Variants in BCAS4 observed in about 807,000 individuals in gnomAD.
BCAS4 encodes breast carcinoma-amplified sequence 4.
BCAS4 carries 9 observed loss-of-function variants against 15.7 expected under a neutral mutation model. The ratio of observed to expected loss-of-function variants is 0.57; its 90% CI spans 0.34 to 1.00. The LOEUF is 1.00. Among genes scored for constraint, BCAS4 ranks in the 50% least tolerant of loss-of-function variants. BCAS4 has a pLI of 0.02. For missense variants in BCAS4, 225 were observed against 239.1 expected (o/e 0.94, Z 0.39); for synonymous variants, 101 against 99.5 (o/e 1.02, Z -0.09).
At chr20:50,876,096 G>GC in intron 4 of BCAS4, 1 of 448,816 alleles carries the variant, frequency 2.2e-6, no homozygotes, top group Middle Eastern at 5.2e-4. Flanking sequence ...GATTACAGGT[G>GC]CGCGCTACCA....
chr20:50,818,455 G>GCT lies in BCAS4; in HGVS notation c.162+185_162+186dup, dbSNP rs1330149039. ...ACACTCCCTCCTCTCTCTCTCTCTC[G>GCT]CTCTCTCTCTCTCACTCAACCCCAA... is the stretch of plus-strand genomic sequence containing the variant. On this transcript the variant is annotated intron_variant, in intron 2 of 4. Transcript: ENST00000371608. 8.7e-5 allele frequency among the ~76,000 whole-genome samples: 13 copies of GCT among 149,052 alleles called. No individual in the cohort carries two copies. In the East Asian group the frequency reaches 2.2e-3, roughly 25 times the overall value.
chr20:50,800,008 A>G (rs1035690701), intron 1 of BCAS4, among the ~76,000 whole-genome samples: 1 of 152,180 alleles, frequency 6.6e-6, no homozygotes, highest in Non-Finnish European at 1.5e-5. Flanking sequence ...AGATCGCATC[A>G]CTGCACTCCA....
intron 4 of BCAS4, among the ~76,000 whole-genome samples, chr20:50,857,047 C>T (rs982131272): frequency 1.3e-5 from 2 of 152,224 alleles, no homozygotes; most frequent in Non-Finnish European, 2.9e-5. Flanking sequence ...TTGTGCTGTT[C>T]ACAAGCTAAT....
chr20:50,860,697 G>A (rs1366275126), intron 4 of BCAS4, among the ~76,000 whole-genome samples: 3 of 152,020 alleles, frequency 2.0e-5, no homozygotes, highest in Non-Finnish European at 2.9e-5. Context: ...CCAACATGGC[G>A]AAACCCCGTC....
At chr20:50,824,239 C>T (rs1033320943) in intron 2 of BCAS4, among the ~76,000 whole-genome samples, 26 of 152,262 alleles carry the variant, frequency 1.7e-4, no homozygotes, top group African/African-American at 6.0e-4. Context: ...AGTCTTACTT[C>T]GCTCACATAA....
chr20:50,796,592 T>A (rs1346711189), intron 1 of BCAS4, among the ~76,000 whole-genome samples: 1 of 133,724 alleles, frequency 7.5e-6, no homozygotes, highest in East Asian at 2.6e-4. Context: ...CCTCCCAGGT[T>A]CAAGGAATTC....
chr20:50,882,442 C>T, the BCAS4 span: 3 of 152,232 alleles, frequency 2.0e-5, no homozygotes, highest in East Asian at 3.9e-4. Flanking sequence ...GTGGAAACAT[C>T]GCCAAGATAT....
At chr20:50,804,358 G>A (rs1242134108) in intron 1 of BCAS4, among the ~76,000 whole-genome samples, 1 of 152,128 alleles carries the variant, frequency 6.6e-6, no homozygotes, top group Non-Finnish European at 1.5e-5. Context: ...TTTCACTCAT[G>A]TTTTGGAGAC....
At chr20:50,872,014 C>T (rs892401794) in intron 4 of BCAS4, among the ~76,000 whole-genome samples, 2 of 152,062 alleles carry the variant, frequency 1.3e-5, no homozygotes, top group Non-Finnish European at 2.9e-5. Context: ...AATCCCAACA[C>T]TTTGGGAGGC....
intron 4 of BCAS4, among the ~76,000 whole-genome samples, chr20:50,857,060 T>C (rs919511060): frequency 2.0e-5 from 3 of 152,266 alleles, no homozygotes; most frequent in African/African-American, 7.2e-5. Context: ...AAGCTAATGA[T>C]GGCATTTTAG....
intron 4 of BCAS4, among the ~76,000 whole-genome samples, chr20:50,862,004 C>A (rs1007305182): frequency 2.0e-5 from 3 of 151,890 alleles, no homozygotes; most frequent in Non-Finnish European, 4.4e-5. Flanking sequence ...CAGGCACATG[C>A]CACCATGCTT....
At position 50,795,078 on chromosome 20, in the gene BCAS4, CT is replaced by C; in HGVS notation, c.-5del. The C allele has an allele frequency of 6.7e-7, 1 of 1,497,144 alleles. No homozygotes were observed. The highest frequency in any genetic ancestry group is 8.9e-7 in the Non-Finnish European group (1 of 1,124,012). 92.7% of individuals were successfully genotyped at this position (1,497,144 alleles called of 1,614,324 possible). A position where few individuals can be genotyped will look rare whatever the true frequency, so the allele number is the denominator to read the frequency against. The stretch of plus-strand genomic sequence containing the variant: ...CCTCCGCCAGCCGGACCCCGTCGCC[CT>C]CCTGATGCTGCTCGTGGACGCTGAT... On this transcript the variant is annotated 5_prime_UTR_variant, in exon 1 of 5. Coordinates refer to ENST00000371608, the MANE Select transcript of BCAS4 (RefSeq NM_198799.4).
intron 3 of BCAS4, among the ~76,000 whole-genome samples, chr20:50,830,651 A>G (rs1013184814): frequency 4.6e-5 from 7 of 152,134 alleles, no homozygotes; most frequent in African/African-American, 1.7e-4. Flanking sequence ...GGAGTTTGAG[A>G]CCAGCCTGGG....
chr20:50,820,567 C>T (rs894785156), intron 2 of BCAS4, among the ~76,000 whole-genome samples: 1 of 152,132 alleles, frequency 6.6e-6, no homozygotes, highest in African/African-American at 2.4e-5. Flanking sequence ...TGGATGGATG[C>T]TCCAGGGACA....
chr20:50,860,837 G>A (rs1020939281), intron 4 of BCAS4, among the ~76,000 whole-genome samples: 2 of 152,050 alleles, frequency 1.3e-5, no homozygotes, highest in African/African-American at 2.4e-5. Flanking sequence ...TCATGCCACT[G>A]TCCTTGAGCC....
At chr20:50,835,403 C>T (rs1023859786) in intron 3 of BCAS4, among the ~76,000 whole-genome samples, 2 of 152,004 alleles carry the variant, frequency 1.3e-5, no homozygotes, top group African/African-American at 4.8e-5. Flanking sequence ...TGCCACCACA[C>T]CCGGCTAATT....
chr20:50,869,742 CTTTTTTTTTT>C (rs55685532), intron 4 of BCAS4, among the ~76,000 whole-genome samples: 5 of 77,654 alleles, frequency 6.4e-5, no homozygotes, highest in Admixed American at 1.5e-4. Context: ...CCTGGCACTG[CTTTTTTTTTT>C]TTTTTTTTTT....
chr20:50,827,162 T>C (rs2088287387), intron 2 of BCAS4, among the ~76,000 whole-genome samples: 1 of 152,244 alleles, frequency 6.6e-6, no homozygotes, highest in African/African-American at 2.4e-5. Context: ...GGCACGAGGT[T>C]GTCACATCTC....
At position 50,795,167 on chromosome 20, in the gene BCAS4, G is replaced by A; in HGVS notation, c.84G>A (p.Gly28=). 6.9e-7 allele frequency: 1 copy of A among 1,451,444 alleles called. No individual in the cohort carries two copies. Among genetic ancestry groups the A allele is most frequent in the Non-Finnish European group, 9.1e-7 (1 of 1,096,794 alleles). 89.9% of individuals were successfully genotyped at this position (1,451,444 alleles called of 1,614,324 possible). The change falls in exon 1 of 5, where the codon GGG becomes GGA. Residue 28 remains glycine, a synonymous_variant. Transcript: ENST00000371608. The part of the protein sequence containing the change: ...ELALFLTPEP[G]AEAKEVEETI... ...CGCTCTTCCTGACCCCCGAGCCTGG[G>A]GCCGAGGTAGGGGACGGGGCTGTGG...
Sources: allele counts gnomAD v4.1 joint callset (sites outside exome capture counted in the v4.1 genomes callset), GRCh38; gene constraint gnomAD v4.1.1; transcripts MANE v1.5; gene names NCBI Gene and HGNC (gene_info 2026-07-23, HGNC 2026-07-21).